SETD1A: variants seen among roughly 807,000 people sequenced by gnomAD.
SETD1A encodes the protein SET domain containing 1A, histone lysine methyltransferase, also known as histone-lysine N-methyltransferase SETD1A.
In SETD1A, 29 loss-of-function variants were observed where a neutral mutation model predicts 149.9. The observed-to-expected ratio is 0.19, with a 90% confidence interval of 0.14 to 0.26. SETD1A has a LOEUF of 0.26. Ranked by LOEUF, SETD1A falls within the 10% of genes least tolerant of loss-of-function variation. SETD1A has a pLI of 1.00. For synonymous variants in SETD1A, 1,141 were observed against 968.5 expected (o/e 1.18, Z -3.31); for missense variants, 2,109 against 2,353.1 (o/e 0.90, Z 2.15).
chr16:30,964,463 C>T lies in SETD1A; in HGVS notation c.869+140C>T, dbSNP rs1178444528. On this transcript the variant is annotated intron_variant, in intron 6 of 18. Transcript: ENST00000262519. ...CTCTGTGGATTCAGTCAACAAATTG[C>T]TGTCCTCGGGGAACACACTAGCTAG... 4 of 1,399,214 alleles carry T rather than the reference C, an allele frequency of 2.9e-6. No homozygotes were observed. The African/African-American group carries it at 5.7e-5, about 20-fold the overall frequency. 86.7% of individuals were successfully genotyped at this position (1,399,214 alleles called of 1,614,324 possible).
At chr16:30,979,067 C>T in intron 13 of SETD1A, 78 bp from the exon 14 acceptor site, 2 of 1,406,288 alleles carry the variant, frequency 1.4e-6, no homozygotes, top group South Asian at 2.9e-5. Context: ...GAGCACACAG[C>T]CTGTGGTCAT....
chr16:30,967,649 G>A, intron 10 of SETD1A, 61 bp downstream of exon 10: 1 of 1,461,710 alleles, frequency 6.8e-7, no homozygotes, highest in African/African-American at 1.4e-5. Context: ...GGGAGAGCAA[G>A]AGGTAGGGAT....
intron 12 of SETD1A, 80 bp downstream of exon 12, chr16:30,969,769 T>A: frequency 9.0e-7 from 1 of 1,108,470 alleles, no homozygotes; most frequent in Non-Finnish European, 1.4e-6. Context: ...TGAGCCCACA[T>A]GACCTTCCTG....
In SETD1A at chr16:30,965,793, C is replaced by T; in HGVS notation, c.1912C>T (p.Pro638Ser). The T allele has an allele frequency of 6.3e-7, 1 of 1,592,782 alleles. No homozygotes were observed. Among genetic ancestry groups the T allele is most frequent in the Non-Finnish European group, 8.6e-7 (1 of 1,168,580 alleles). The change falls in exon 8 of 19, where the codon CCT (proline) becomes TCT (serine). Residue 638 changes from proline to serine, a missense_variant. Physicochemically the swap from Pro to Ser is moderately conservative, Grantham distance 74. Around this residue, in one of 8 missense-constraint regions of SETD1A, gnomAD observed 431 missense variants for 388.6 expected, o/e 1.11. Coordinates refer to ENST00000262519, the MANE Select transcript of SETD1A (RefSeq NM_014712.3). ...HQPAYLLPPRPDGPPPPEYPP... is the reference protein window; with the variant it reads ...HQPAYLLPPRSDGPPPPEYPP... The stretch of plus-strand genomic sequence containing the variant: ...ACCTGCCTACCTCCTCCCACCCAGA[C>T]CTGATGGGCCGCCGCCCCCTGAGTA...
intron 8 of SETD1A, 21 bp downstream of exon 8, chr16:30,966,407 C>G (rs778992178): frequency 1.8e-5 from 29 of 1,583,988 alleles, no homozygotes; most frequent in East Asian, 2.2e-5. Context: ...CGCCTGGGAC[C>G]GGGGAGCCCT....
chr16:30,980,435 G>A lies in SETD1A; in HGVS notation c.4409-50G>A. 6.4e-7 allele frequency: 1 copy of A among 1,572,346 alleles called. No homozygotes were observed. The highest frequency in any genetic ancestry group is 1.2e-5 in the South Asian group (1 of 85,222). ...GTGGGCCCCGCCCTCTCCTTTGGCT[G>A]GGACGCAGGTGGCCAGAGAGGAGCC... is the stretch of plus-strand genomic sequence containing the variant. On this transcript the variant is annotated intron_variant, in intron 14 of 18. Coordinates refer to ENST00000262519, the MANE Select transcript of SETD1A (RefSeq NM_014712.3). The surrounding 1 kb of genome is among the most constrained non-coding windows in gnomAD (Gnocchi z 7.7).
chr16:30,970,329 G>A (rs1244887182), intron 12 of SETD1A, among the ~76,000 whole-genome samples: 2 of 147,570 alleles, frequency 1.4e-5, no homozygotes, highest in Non-Finnish European at 1.5e-5. Flanking sequence ...GTGCAGTGAT[G>A]TGATCTTGGC....
Position 30,979,928 on chromosome 16 carries a change from G to A in SETD1A, c.4142G>A (p.Ser1381Asn), listed in dbSNP as rs534596773. The change falls in exon 14 of 19, where the codon AGC becomes AAC. Residue 1381 changes from serine to asparagine, a missense_variant. Ser to Asn is a conservative substitution (Grantham distance 46). Transcript: ENST00000262519. Reference protein sequence around the residue: ...EEEEESSDSSSSSDGEGALRR... With the variant: ...EEEEESSDSSNSSDGEGALRR... Reference sequence around the variant, plus strand: ...GAGGAGGAGTCCTCTGACAGCAGCAGCAGCAGCGATGGGGAGGGCGCCCTC... The same window carrying A: ...GAGGAGGAGTCCTCTGACAGCAGCAACAGCAGCGATGGGGAGGGCGCCCTC... 5.9e-6 allele frequency: 9 copies of A among 1,534,406 alleles called. No individual in the cohort carries two copies. In the East Asian group the frequency reaches 2.0e-4, roughly 33 times the overall value.
Position 30,979,935 on chromosome 16 carries a change from C to T in SETD1A, c.4149C>T (p.Ser1383=), listed in dbSNP as rs1208326331. The T allele has an allele frequency of 4.6e-6, 7 of 1,533,776 alleles. No homozygotes were observed. Among genetic ancestry groups the T allele is most frequent in the East Asian group, 2.5e-5 (1 of 40,606 alleles). Residue 1383 remains serine (S), a synonymous_variant, in exon 14 of 19, where the codon AGC becomes AGT. Coordinates refer to ENST00000262519, the MANE Select transcript of SETD1A (RefSeq NM_014712.3). ...EEESSDSSSS[S]DGEGALRRRS... Reference sequence around the variant, plus strand: ...AGTCCTCTGACAGCAGCAGCAGCAGCGATGGGGAGGGCGCCCTCCGGAGGC... The same window carrying T: ...AGTCCTCTGACAGCAGCAGCAGCAGTGATGGGGAGGGCGCCCTCCGGAGGC...
In SETD1A at chr16:30,981,159, C is replaced by T. The variant is rs377613466; in HGVS notation, c.4791C>T (p.Tyr1597=). Residue 1597 remains tyrosine, a synonymous_variant, in exon 17 of 19, where the codon TAC becomes TAT. Coordinates refer to ENST00000262519, the MANE Select transcript of SETD1A (RefSeq NM_014712.3). ...CTGCTGACGAGATGGTCATCGAATA[C>T]GTGGGTCAGAACATCCGTCAGGTGA... ...PIAADEMVIE[Y]VGQNIRQMVA... 1.1e-5 allele frequency: 17 copies of T among 1,614,046 alleles called. No individual in the cohort carries two copies. The highest frequency in any genetic ancestry group is 3.3e-5 in the Admixed American group (2 of 60,006).
At position 30,968,725 on chromosome 16, in the gene SETD1A, C is replaced by T. The variant is rs1178065006; in HGVS notation, c.2771-580C>T. Among the ~76,000 whole-genome samples the T allele has an allele frequency of 2.0e-5, 3 of 151,844 alleles. 1 individual carries two copies. Among genetic ancestry groups the T allele is most frequent in the African/African-American group, 7.3e-5 (3 of 41,342 alleles). On this transcript the variant is annotated intron_variant, in intron 10 of 18. Transcript: ENST00000262519. ...CTGAGGCAGGAGAATTGCTTGAACC[C>T]GGGAGGCAGAGGCTGCTGTGAGCTG... is the stretch of plus-strand genomic sequence containing the variant.
At position 30,965,353 on chromosome 16, in the gene SETD1A, G is replaced by A. The variant is rs1455129875; in HGVS notation, c.1611G>A (p.Gly537=). Residue 537 remains glycine (G), a synonymous_variant, in exon 7 of 19, where the codon GGG becomes GGA. Coordinates refer to ENST00000262519, the MANE Select transcript of SETD1A (RefSeq NM_014712.3). ...GSEVPSGSGH[G]PCTPPPAPAN... ...AGGTGCCTTCTGGGTCAGGGCATGG[G>A]CCCTGCACACCCCCTCCGGCCCCAG... The A allele has an allele frequency of 3.1e-6, 5 of 1,613,686 alleles. No homozygotes were observed. In the East Asian group the frequency reaches 8.9e-5, roughly 29 times the overall value.
intron 13 of SETD1A, among the ~76,000 whole-genome samples, 158 bp from the exon 14 acceptor site, chr16:30,978,987 C>T (rs1004959433): frequency 3.9e-5 from 6 of 152,210 alleles, no homozygotes; most frequent in African/African-American, 1.2e-4. Flanking sequence ...GGGAGTTCAT[C>T]TTGCTGGGAT....
Position 30,984,228 on chromosome 16 carries a change from A to G in SETD1A, c.*205A>G, listed in dbSNP as rs2056424553. 1 of 572,208 alleles carries G rather than the reference A, an allele frequency of 1.7e-6. No homozygotes were observed. Among genetic ancestry groups the G allele is most frequent in the Non-Finnish European group, 3.1e-6 (1 of 322,010 alleles). 35.4% of individuals were successfully genotyped at this position (572,208 alleles called of 1,614,324 possible). Reference sequence around the variant, plus strand: ...TGTCACCCCTGCCCACCACCCCCTGATTGTTTTTCTTTGCGGAGAAGAAGC... The same window carrying G: ...TGTCACCCCTGCCCACCACCCCCTGGTTGTTTTTCTTTGCGGAGAAGAAGC... On this transcript the variant is annotated 3_prime_UTR_variant, in exon 19 of 19. Transcript: ENST00000262519.
rs1303312414 is a variant in SETD1A at position 30,971,409 on chromosome 16, A to G, written c.3048A>G (p.Lys1016=). ...GEDEESDSSS[K]CSLYADSDGE... is the part of the protein sequence containing the mutation. ...ACGAGGAAAGCGATTCGTCTTCCAA[A>G]TGTTCTCTGTATGCTGACTCAGATG... The change falls in exon 13 of 19, where the codon AAA becomes AAG. Residue 1016 remains lysine, a synonymous_variant. Transcript: ENST00000262519. 3 of 1,599,966 alleles carry G rather than the reference A, an allele frequency of 1.9e-6. No homozygotes were observed. Among genetic ancestry groups the G allele is most frequent in the South Asian group, 1.1e-5 (1 of 90,136 alleles).
Position 30,966,105 on chromosome 16 carries a change from G to A in SETD1A, c.2224G>A (p.Ala742Thr), listed in dbSNP as rs760930551. 4 of 1,596,992 alleles carry A rather than the reference G, an allele frequency of 2.5e-6. No individual in the cohort carries two copies. The highest frequency in any genetic ancestry group is 2.7e-5 in the African/African-American group (2 of 74,642). Residue 742 changes from alanine (A) to threonine (T), a missense_variant, in exon 8 of 19, where the codon GCA becomes ACA. Ala to Thr is a moderately conservative substitution (Grantham distance 58). Transcript: ENST00000262519. ...LYAQGQEGRGAYSREAYHLPM... is the reference protein window; with the variant it reads ...LYAQGQEGRGTYSREAYHLPM... ...TGCACAGGGGCAGGAGGGCAGAGGG[G>A]CATACTCACGGGAGGCCTACCACCT...
intron 3 of SETD1A, among the ~76,000 whole-genome samples, chr16:30,960,941 T>C (rs2056044676): frequency 6.6e-6 from 1 of 151,722 alleles, no homozygotes; most frequent in South Asian, 2.1e-4. Flanking sequence ...CAGGGTTTTA[T>C]CATGTTGGAC....
intron 6 of SETD1A, 56 bp from the exon 7 acceptor site, chr16:30,964,556 G>C (rs894358708): frequency 1.9e-6 from 3 of 1,575,836 alleles, no homozygotes; most frequent in East Asian, 4.5e-5. Context: ...GACCCAGTAC[G>C]CTGTGGTTTG....
chr16:30,979,541 ACCTGGCGGT>A lies in SETD1A; in HGVS notation c.3762_3770del (p.Val1255_Ala1257del), dbSNP rs776760944. On this transcript the variant is annotated inframe_deletion, in exon 14 of 19. Coordinates refer to ENST00000262519, the MANE Select transcript of SETD1A (RefSeq NM_014712.3). ...GAGGCTGAGCCAGGGACAGAGGTGG[ACCTGGCGGT>A]CCTGGCCGACCTGGCCCTGACCCCT... 6.2e-7 allele frequency: 1 copy of A among 1,608,580 alleles called. No homozygotes were observed. The highest frequency in any genetic ancestry group is 2.2e-5 in the East Asian group (1 of 44,766).
Sources: allele counts gnomAD v4.1 joint callset (sites outside exome capture counted in the v4.1 genomes callset), GRCh38; gene constraint gnomAD v4.1.1; regional missense constraint gnomAD v4.1.1; non-coding constraint Gnocchi (gnomAD v3.1); transcripts MANE v1.5; gene names NCBI Gene and HGNC (gene_info 2026-07-23, HGNC 2026-07-21).